Variants in MED13L observed in about 807,000 individuals in gnomAD.
The protein encoded by MED13L is mediator of RNA polymerase II transcription subunit 13-like.
Under a neutral mutation model 220.9 loss-of-function variants are expected in MED13L, and 7 were observed. That is an observed-to-expected ratio of 0.03 (90% CI 0.02 to 0.06). The LOEUF is 0.06. Among genes scored for constraint, MED13L ranks in the 10% least tolerant of loss-of-function variants. MED13L has a pLI of 1.00. For missense variants in MED13L, 1,965 were observed against 2,760.5 expected (o/e 0.71, Z 6.46); for synonymous variants, 1,011 against 1,015.2 (o/e 1.00, Z 0.08).
At chr12:116,147,110 A>AT (rs1199317414) in intron 2 of MED13L, among the ~76,000 whole-genome samples, 1 of 152,194 alleles carries the variant, frequency 6.6e-6, no homozygotes, top group Non-Finnish European at 1.5e-5. Context: ...TTTAACCAAT[A>AT]TTCAACAAAC....
intron 2 of MED13L, among the ~76,000 whole-genome samples, chr12:116,228,098 A>G (rs1026612190): frequency 2.6e-5 from 4 of 152,124 alleles, no homozygotes; most frequent in Admixed American, 2.0e-4. Flanking sequence ...AATCCAGAAC[A>G]AGGCACAAAC....
rs1251374126 is a variant in MED13L at position 116,177,541 on chromosome 12, T to A, written c.310+59927A>T. Among the ~76,000 whole-genome samples, 5 of 152,200 alleles carry A rather than the reference T, an allele frequency of 3.3e-5. No individual in the cohort carries two copies. In the East Asian group the frequency reaches 7.7e-4, roughly 23 times the overall value. ...ATCACTTTGCCTTAAATCTCAGTCA[T>A]TTCACATGAAAGTTTCTCAAATAAT... On this transcript the variant is annotated intron_variant, in intron 2 of 30. Coordinates refer to ENST00000281928, the MANE Select transcript of MED13L (RefSeq NM_015335.5).
At chr12:116,032,272 A>G (rs886368659) in intron 4 of MED13L, among the ~76,000 whole-genome samples, 2 of 152,230 alleles carry the variant, frequency 1.3e-5, no homozygotes, top group Non-Finnish European at 2.9e-5. Context: ...TAAAATTCAT[A>G]TAGAACACAG....
In MED13L at chr12:116,022,610, GA is replaced by G; in HGVS notation, c.480-10del. The G allele has an allele frequency of 6.2e-7, 1 of 1,609,940 alleles. No individual in the cohort carries two copies. The highest frequency in any genetic ancestry group is 8.5e-7 in the Non-Finnish European group (1 of 1,177,834). On this transcript the variant is annotated splice_polypyrimidine_tract_variant and intron_variant, in intron 4 of 30. Coordinates refer to ENST00000281928, the MANE Select transcript of MED13L (RefSeq NM_015335.5). ...CACAGGACAAATGCTCACTACAAAA[GA>G]GAGAATGAGAAACTCAACTTTATAT...
chr12:116,129,456 C>G (rs1444890489), intron 2 of MED13L, among the ~76,000 whole-genome samples: 3 of 152,080 alleles, frequency 2.0e-5, no homozygotes, highest in Admixed American at 2.0e-4. Context: ...TTTATTTTTT[C>G]TCTAGCCATT....
At chr12:115,996,754 T>C in intron 15 of MED13L, 73 bp from the exon 16 acceptor site, 2 of 1,359,902 alleles carry the variant, frequency 1.5e-6, no homozygotes, top group East Asian at 2.3e-5. Context: ...CATAGTGCTA[T>C]CATAAAAACA....
Position 116,007,476 on chromosome 12 carries a change from A to G in MED13L, c.2173T>C (p.Tyr725His). The change falls in exon 11 of 31, where the codon TAC becomes CAC. Residue 725 changes from tyrosine (Y) to histidine (H), a missense_variant. Physicochemically the swap from Tyr to His is moderately conservative, Grantham distance 83. Around this residue, in one of 10 missense-constraint regions of MED13L, gnomAD observed 818 missense variants for 1,041.2 expected, o/e 0.79. Transcript: ENST00000281928. ...CATTTCTTGTTGGCTGTAAAGATGT[A>G]TTTTATGTCACCATCTTCAAAGGTA... ...PYTFEDGDIKYIFTANKKCKQ... is the reference protein window; with the variant it reads ...PYTFEDGDIKHIFTANKKCKQ... 2 of 1,613,888 alleles carry G rather than the reference A, an allele frequency of 1.2e-6. No individual in the cohort carries two copies. Among genetic ancestry groups the G allele is most frequent in the Non-Finnish European group, 1.7e-6 (2 of 1,179,920 alleles).
At chr12:116,020,198 C>G (rs1879975000) in intron 5 of MED13L, among the ~76,000 whole-genome samples, 1 of 152,142 alleles carries the variant, frequency 6.6e-6, no homozygotes. Flanking sequence ...CTCCCAGGCT[C>G]AAGTGATGCT....
intron 4 of MED13L, among the ~76,000 whole-genome samples, chr12:116,083,913 T>C (rs562196600): frequency 9.8e-5 from 15 of 152,286 alleles, no homozygotes; most frequent in Non-Finnish European, 1.3e-4. Flanking sequence ...AGATCAAATA[T>C]ACAGGATGCC....
intron 11 of MED13L, chr12:116,006,952 A>G (rs1158861520): frequency 9.6e-6 from 2 of 209,000 alleles, no homozygotes; most frequent in Non-Finnish European, 1.9e-5. Flanking sequence ...TAAAATTAAT[A>G]CTGATAGTCT....
intron 4 of MED13L, among the ~76,000 whole-genome samples, chr12:116,060,094 A>G (rs914906842): frequency 1.3e-5 from 2 of 152,146 alleles, no homozygotes; most frequent in African/African-American, 4.8e-5. Flanking sequence ...ACACTGTGAG[A>G]GGAATGCAAA....
chr12:116,193,020 CAG>C (rs1881379741), intron 2 of MED13L, among the ~76,000 whole-genome samples: 1 of 152,084 alleles, frequency 6.6e-6, no homozygotes, highest in Admixed American at 6.5e-5. Context: ...CCCAGCTACT[CAG>C]GGGGCTGACA....
At chr12:115,961,839 T>G (rs551170672) in intron 30 of MED13L, among the ~76,000 whole-genome samples, 4 of 152,068 alleles carry the variant, frequency 2.6e-5, no homozygotes, top group Non-Finnish European at 5.9e-5. Context: ...GGCGTGGTGG[T>G]GCATGCCTGT....
intron 26 of MED13L, among the ~76,000 whole-genome samples, chr12:115,971,167 T>G (rs1163314598): frequency 6.6e-6 from 1 of 152,216 alleles, no homozygotes; most frequent in Non-Finnish European, 1.5e-5. Context: ...TAACACTTAA[T>G]GAATGCTTAC....
chr12:116,005,754 C>T, intron 13 of MED13L, 115 bp downstream of exon 13: 1 of 1,342,750 alleles, frequency 7.4e-7, no homozygotes, highest in Non-Finnish European at 1.1e-6. Flanking sequence ...ACATTCAGAA[C>T]CTGAAATAAG....
At chr12:116,006,054 G>C in intron 12 of MED13L, 61 bp from the exon 13 acceptor site, 2 of 1,600,076 alleles carry the variant, frequency 1.2e-6, no homozygotes, top group Admixed American at 1.7e-5. Context: ...AAGGAGTAGG[G>C]AGAGGACACG....
chr12:116,114,959 T>C (rs938319252), intron 2 of MED13L, among the ~76,000 whole-genome samples: 3 of 152,056 alleles, frequency 2.0e-5, no homozygotes, highest in African/African-American at 7.2e-5. Flanking sequence ...GACCACAAAA[T>C]AGAAAAATTC....
At chr12:116,033,083 G>GT (rs1276941814) in intron 4 of MED13L, among the ~76,000 whole-genome samples, 17 of 147,036 alleles carry the variant, frequency 1.2e-4, no homozygotes, top group Admixed American at 3.4e-4. Flanking sequence ...ATTGGGTTTT[G>GT]TTTTTTTAAA....
At chr12:116,246,318 AAAATAAATCCCT>A (rs1385811082) in intron 1 of MED13L, among the ~76,000 whole-genome samples, 2 of 152,118 alleles carry the variant, frequency 1.3e-5, no homozygotes, top group Admixed American at 1.3e-4. Context: ...GAGAGGGAAT[AAAATAAATCCCT>A]AAAATCATAA....
Sources: gnomAD v4.1 joint callset for allele counts (sites outside exome capture counted in the v4.1 genomes callset) on GRCh38, gnomAD v4.1.1 for gene constraint, gnomAD v4.1.1 regional missense constraint, MANE v1.5 for transcripts, NCBI Gene and HGNC (gene_info 2026-07-23, HGNC 2026-07-21) for gene names.